The following PNPLA1 variants were observed in gnomAD, a reference collection of about 807,000 sequenced individuals.
The protein encoded by PNPLA1 is omega-hydroxyceramide transacylase.
In PNPLA1, 36 loss-of-function variants were observed where a neutral mutation model predicts 51.7. The ratio of observed to expected loss-of-function variants is 0.70; its 90% CI spans 0.53 to 0.92. The LOEUF (loss-of-function observed/expected upper bound fraction) is 0.92, where lower values mean the gene tolerates loss of function less well. Among genes scored for constraint, PNPLA1 ranks in the 40% least tolerant of loss-of-function variants. The pLI is 0.00. For missense variants in PNPLA1, 658 were observed against 682.5 expected (o/e 0.96, Z 0.40); for synonymous variants, 293 against 280.1 (o/e 1.05, Z -0.46).
intron 5 of PNPLA1, among the ~76,000 whole-genome samples, chr6:36,298,496 C>T (rs1770927846): frequency 6.6e-6 from 1 of 152,202 alleles, no homozygotes; most frequent in Admixed American, 6.5e-5. Flanking sequence ...TGTTGTGCAG[C>T]AGATCTCTAG....
At chr6:36,260,152 G>A (rs563709828) in intron 1 of PNPLA1, among the ~76,000 whole-genome samples, 18 of 152,140 alleles carry the variant, frequency 1.2e-4, no homozygotes, top group Admixed American at 2.6e-4. Flanking sequence ...ATAAGCAGGT[G>A]TTGTGTTGTG....
At position 36,311,969 on chromosome 6, in the gene PNPLA1, C is replaced by T. The variant is rs1282579210; in HGVS notation, c.*83C>T. On this transcript the variant is annotated 3_prime_UTR_variant, in exon 9 of 9. Transcript: ENST00000636260. ...TCATTGATCCAGCTCCTTTTATTCTCCCACCTTCCCTTCCTGGTCATAGTC... is the reference window on the plus strand; with the variant it reads ...TCATTGATCCAGCTCCTTTTATTCTTCCACCTTCCCTTCCTGGTCATAGTC... 1.3e-5 allele frequency: 2 copies of T among 152,650 alleles called. No individual in the cohort carries two copies. The highest frequency in any genetic ancestry group is 1.3e-4 in the Admixed American group (2 of 15,276). The allele number at this position is 152,650 out of a possible 1,614,324, so 9.5% of individuals were successfully genotyped here.
intron 3 of PNPLA1, 108 bp downstream of exon 3, chr6:36,293,234 A>C: frequency 9.0e-7 from 1 of 1,109,416 alleles, no homozygotes; most frequent in Non-Finnish European, 1.3e-6. Context: ...CAGCGGGAGG[A>C]CCTAGAGTTG....
chr6:36,258,483 T>C (rs796902565), intron 1 of PNPLA1, among the ~76,000 whole-genome samples: 2 of 152,370 alleles, frequency 1.3e-5, no homozygotes, highest in African/African-American at 4.8e-5. Flanking sequence ...TCCATGCCTT[T>C]TGATCACTCT....
At chr6:36,253,926 T>C (rs1175052125) in intron 1 of PNPLA1, among the ~76,000 whole-genome samples, 1 of 152,198 alleles carries the variant, frequency 6.6e-6, no homozygotes, top group Non-Finnish European at 1.5e-5. Flanking sequence ...CCGTGTGAGC[T>C]TAGCCCTCAG....
intron 1 of PNPLA1, among the ~76,000 whole-genome samples, chr6:36,259,765 T>C (rs1292124664): frequency 6.6e-6 from 1 of 152,170 alleles, no homozygotes; most frequent in African/African-American, 2.4e-5. Flanking sequence ...TTCTCACTTA[T>C]AAGTGGGAGC....
chr6:36,278,984 C>A (rs1401815763), intron 1 of PNPLA1, among the ~76,000 whole-genome samples: 7 of 152,188 alleles, frequency 4.6e-5, no homozygotes, highest in Non-Finnish European at 7.3e-5. Context: ...ACACAAGGGG[C>A]ACAGTGTTGG....
At chr6:36,282,841 C>T (rs145815633) in intron 1 of PNPLA1, among the ~76,000 whole-genome samples, 11 of 152,192 alleles carry the variant, frequency 7.2e-5, no homozygotes, top group South Asian at 2.1e-4. Flanking sequence ...CATCCCACCA[C>T]GTCCAGCTAA....
intron 1 of PNPLA1, among the ~76,000 whole-genome samples, chr6:36,285,197 T>A (rs1478868412): frequency 6.6e-6 from 1 of 152,222 alleles, no homozygotes; most frequent in African/African-American, 2.4e-5. Context: ...AACTCTCAGG[T>A]GATCCATGCA....
At chr6:36,245,712 A>C (rs1311563801) in intron 1 of PNPLA1, among the ~76,000 whole-genome samples, 1 of 152,220 alleles carries the variant, frequency 6.6e-6, no homozygotes, top group Non-Finnish European at 1.5e-5. Flanking sequence ...GCATTTCCTC[A>C]TTCAGTCCTC....
intron 1 of PNPLA1, among the ~76,000 whole-genome samples, chr6:36,253,395 C>T (rs1012945857): frequency 1.3e-5 from 2 of 152,096 alleles, no homozygotes; most frequent in African/African-American, 4.8e-5. Context: ...TAGGTTATTT[C>T]CTTAGAATAT....
intron 1 of PNPLA1, among the ~76,000 whole-genome samples, chr6:36,286,674 A>T (rs1262165968): frequency 6.6e-6 from 1 of 152,062 alleles, no homozygotes; most frequent in Non-Finnish European, 1.5e-5. Context: ...CAGTCTCAAC[A>T]TCTTTTTACA....
intron 6 of PNPLA1, among the ~76,000 whole-genome samples, chr6:36,303,344 T>C (rs964547106): frequency 6.6e-6 from 1 of 152,170 alleles, no homozygotes; most frequent in Non-Finnish European, 1.5e-5. Flanking sequence ...CTGCCCGCCT[T>C]GGCCTCCCAA....
Position 36,312,592 on chromosome 6 carries a change from A to G in PNPLA1, c.*706A>G, listed in dbSNP as rs147201158. On this transcript the variant is annotated 3_prime_UTR_variant, in exon 9 of 9. Transcript: ENST00000636260. ...GCCGAGAGAGAGAACGGGAGCTGGA[A>G]CGGGAGAGAACCTGAGGACCCTGAG... Among the ~76,000 whole-genome samples the G allele has an allele frequency of 2.6e-5, 4 of 152,162 alleles. No homozygotes were observed. Among genetic ancestry groups the G allele is most frequent in the Admixed American group, 6.5e-5 (1 of 15,276 alleles).
At chr6:36,249,345 G>GT (rs1769373548) in intron 1 of PNPLA1, among the ~76,000 whole-genome samples, 1 of 151,984 alleles carries the variant, frequency 6.6e-6, no homozygotes, top group Non-Finnish European at 1.5e-5. Context: ...TTATCATCAG[G>GT]TTTTGACTCC....
Position 36,307,594 on chromosome 6 carries a change from C to T in PNPLA1, c.1477C>T (p.Pro493Ser). The change falls in exon 8 of 9, where the codon CCT (proline) becomes TCT (serine). Residue 493 changes from proline (P) to serine (S), a missense_variant. Physicochemically the swap from Pro to Ser is moderately conservative, Grantham distance 74 (BLOSUM62 -1). Transcript: ENST00000636260. ...TVSKPYVTESPAEDSNWVNKV... is the reference protein window; with the variant it reads ...TVSKPYVTESSAEDSNWVNKV... ...CTTAATCTCTTTGCCTAGGGAGAGCCCTGCTGAAGACTCAAACTGGGTGAA... is the reference window on the plus strand; with the variant it reads ...CTTAATCTCTTTGCCTAGGGAGAGCTCTGCTGAAGACTCAAACTGGGTGAA... 1 of 1,613,346 alleles carries T rather than the reference C, an allele frequency of 6.2e-7. No homozygotes were observed. The highest frequency in any genetic ancestry group is 8.5e-7 in the Non-Finnish European group (1 of 1,179,690).
intron 8 of PNPLA1, among the ~76,000 whole-genome samples, chr6:36,309,263 G>T (rs1476524010): frequency 6.6e-6 from 1 of 152,172 alleles, no homozygotes; most frequent in Non-Finnish European, 1.5e-5. Flanking sequence ...AGGTAAGGGA[G>T]GGTGCAGGAC....
chr6:36,272,047 C>T (rs916903649), intron 1 of PNPLA1, among the ~76,000 whole-genome samples: 5 of 152,218 alleles, frequency 3.3e-5, no homozygotes, highest in Non-Finnish European at 7.3e-5. Flanking sequence ...TTTTTCCACA[C>T]ACCAGGGTTG....
At chr6:36,249,840 T>G (rs905766812) in intron 1 of PNPLA1, among the ~76,000 whole-genome samples, 1 of 152,210 alleles carries the variant, frequency 6.6e-6, no homozygotes, top group African/African-American at 2.4e-5. Context: ...AGATTGATAT[T>G]ACCTCTGTCC....
Sources: allele counts gnomAD v4.1 joint callset (sites outside exome capture counted in the v4.1 genomes callset), GRCh38; gene constraint gnomAD v4.1.1; transcripts MANE v1.5; gene names NCBI Gene and HGNC (gene_info 2026-07-23, HGNC 2026-07-21).